Variants in PLXNC1 observed in about 807,000 individuals in gnomAD.
The protein encoded by PLXNC1 is plexin-C1.
A neutral mutation model predicts 178.2 loss-of-function variants in PLXNC1; 75 were observed. The observed-to-expected ratio is 0.42, with a 90% CI of 0.35 to 0.51. PLXNC1 has a LOEUF of 0.51. Among genes scored for constraint, PLXNC1 ranks in the 20% least tolerant of loss-of-function variants. PLXNC1 has a pLI of 0.02. For missense variants in PLXNC1, 1,503 were observed against 1,984.4 expected (o/e 0.76, Z 4.61); for synonymous variants, 790 against 779.9 (o/e 1.01, Z -0.22).
chr12:94,299,394 TGAA>T (rs1230190549), intron 27 of PLXNC1, among the ~76,000 whole-genome samples: 1 of 152,200 alleles, frequency 6.6e-6, no homozygotes, highest in African/African-American at 2.4e-5. Context: ...AGAGTTATGA[TGAA>T]GTAGAACTTC....
At chr12:94,201,923 C>T (rs1218510605) in intron 4 of PLXNC1, among the ~76,000 whole-genome samples, 3 of 151,856 alleles carry the variant, frequency 2.0e-5, no homozygotes, top group South Asian at 2.1e-4. Flanking sequence ...TGCACCACCT[C>T]GCCCAGCTAA....
chr12:94,240,081 A>T (rs1338620456), intron 10 of PLXNC1, among the ~76,000 whole-genome samples: 1 of 152,162 alleles, frequency 6.6e-6, no homozygotes, highest in Non-Finnish European at 1.5e-5. Context: ...ACCAAACACC[A>T]TATCCTTCAC....
chr12:94,150,055 C>T (rs986276124), intron 1 of PLXNC1, 22 bp downstream of exon 1: 3 of 1,532,298 alleles, frequency 2.0e-6, no homozygotes, highest in Admixed American at 2.1e-5. Flanking sequence ...CCCCGGGGCG[C>T]CGCGGAGAGC....
chr12:94,299,330 A>G (rs1465402915), intron 27 of PLXNC1, among the ~76,000 whole-genome samples: 1 of 152,174 alleles, frequency 6.6e-6, no homozygotes, highest in Non-Finnish European at 1.5e-5. Flanking sequence ...CAGTAAAGAA[A>G]TGTAGCTCAT....
At chr12:94,191,974 C>A (rs1445291975) in intron 4 of PLXNC1, among the ~76,000 whole-genome samples, 1 of 152,090 alleles carries the variant, frequency 6.6e-6, no homozygotes, top group Non-Finnish European at 1.5e-5. Context: ...TATTGCAAAG[C>A]ATAGCACATG....
Position 94,227,169 on chromosome 12 carries a change from C to T in PLXNC1, c.1914C>T (p.Val638=), listed in dbSNP as rs749082376. ...TCCAGGAACAGTGTCCAGTGGCTGT[C>T]GAGAAGACATCAGGAGGAGGAAGAC... ...ERNQEQCPVA[V]EKTSGGGRPK... The change falls in exon 9 of 31, where the codon GTC becomes GTT. Residue 638 remains valine, a synonymous_variant. Transcript: ENST00000258526. 18 of 1,611,990 alleles carry T rather than the reference C, an allele frequency of 1.1e-5. No homozygotes were observed. The East Asian group carries it at 1.6e-4, about 14-fold the overall frequency.
intron 4 of PLXNC1, among the ~76,000 whole-genome samples, chr12:94,201,837 C>T (rs1472106044): frequency 1.5e-5 from 2 of 134,662 alleles, no homozygotes; most frequent in Non-Finnish European, 3.1e-5. Flanking sequence ...GGCATGATCT[C>T]GACTCACTGC....
At position 94,273,323 on chromosome 12, in the gene PLXNC1, C is replaced by T. The variant is rs144851996; in HGVS notation, c.3598-6149C>T. ...CAGGCCTGGGCTACAAGTCCTCCAC[C>T]CATACTTCCACCCAAAGAAGGTGGG... On this transcript the variant is annotated intron_variant, in intron 21 of 30. Transcript: ENST00000258526. Among the ~76,000 whole-genome samples the T allele has an allele frequency of 1.9e-3, 294 of 152,250 alleles. 2 individuals carry two copies. Among genetic ancestry groups the T allele is most frequent in the African/African-American group, 6.7e-3 (279 of 41,538 alleles).
chr12:94,251,792 G>A (rs1019280012), intron 15 of PLXNC1, among the ~76,000 whole-genome samples: 6 of 152,210 alleles, frequency 3.9e-5, no homozygotes, highest in Admixed American at 3.3e-4. Flanking sequence ...AGGAGTTCAA[G>A]ACCAGCCTGG....
At chr12:94,179,469 GGT>G (rs1777796046) in intron 2 of PLXNC1, among the ~76,000 whole-genome samples, 1 of 152,146 alleles carries the variant, frequency 6.6e-6, no homozygotes, top group African/African-American at 2.4e-5. Context: ...GGCCAGGCAC[GGT>G]GGCTCACGCC....
At chr12:94,256,811 T>C (rs1275073260) in intron 17 of PLXNC1, among the ~76,000 whole-genome samples, 1 of 138,260 alleles carries the variant, frequency 7.2e-6, no homozygotes, top group Non-Finnish European at 1.5e-5. Context: ...GAGTAATGAA[T>C]GTAAAGGAAC....
Position 94,260,717 on chromosome 12 carries a change from G to C in PLXNC1, c.3327G>C (p.Leu1109=). The C allele has an allele frequency of 6.2e-7, 1 of 1,614,126 alleles. No homozygotes were observed. Among genetic ancestry groups the C allele is most frequent in the African/African-American group, 1.3e-5 (1 of 75,034 alleles). Residue 1109 remains leucine, a synonymous_variant, in exon 20 of 31, where the codon CTG becomes CTC. Coordinates refer to ENST00000258526, the MANE Select transcript of PLXNC1 (RefSeq NM_005761.3). The surrounding 1 kb of genome is among the most constrained non-coding windows in gnomAD (Gnocchi z 4.4). ...LVYLTSILEV[L]TRDLMEQCSN... ...ACCTGACCAGCATCCTAGAGGTGCTGACCAGGGACTTGATGGAACAGTGTA... is the reference window on the plus strand; with the variant it reads ...ACCTGACCAGCATCCTAGAGGTGCTCACCAGGGACTTGATGGAACAGTGTA...
chr12:94,303,443 T>A (rs527315453), intron 28 of PLXNC1, among the ~76,000 whole-genome samples: 1 of 152,210 alleles, frequency 6.6e-6, no homozygotes, highest in African/African-American at 2.4e-5. Context: ...ATGATTGAAA[T>A]AAGTTCCATT....
At chr12:94,213,114 A>G (rs1290411471) in intron 5 of PLXNC1, among the ~76,000 whole-genome samples, 1 of 152,148 alleles carries the variant, frequency 6.6e-6, no homozygotes, top group Non-Finnish European at 1.5e-5. Context: ...ATATACTTAC[A>G]TGTGCATGTG....
At chr12:94,296,727 T>C (rs1565871049) in intron 24 of PLXNC1, among the ~76,000 whole-genome samples, 1 of 152,264 alleles carries the variant, frequency 6.6e-6, no homozygotes, top group Admixed American at 6.5e-5. Context: ...ATTTGGTCTC[T>C]TGTTAATTCT....
rs1969005430 is a variant in PLXNC1 at position 94,306,254 on chromosome 12, T to TACATTTC, written c.*970_*971insCATTTCA. The TACATTTC allele has an allele frequency of 2.0e-5, 3 of 152,114 alleles. No homozygotes were observed. The highest frequency in any genetic ancestry group is 7.2e-5 in the African/African-American group (3 of 41,524). The allele number at this position is 152,114 out of a possible 1,614,324, so 9.4% of individuals were successfully genotyped here. A position where few individuals can be genotyped will look rare whatever the true frequency, so the allele number is the denominator to read the frequency against. On this transcript the variant is annotated 3_prime_UTR_variant, in exon 31 of 31. Transcript: ENST00000258526. Reference sequence around the variant, plus strand: ...AAAAAAAAAGATACATTTTACATTTTATCGAATTGCTGTTCACACTGGAGT... The same window carrying TACATTTC: ...AAAAAAAAAGATACATTTTACATTTTACATTTCATCGAATTGCTGTTCACACTGGAGT...
intron 23 of PLXNC1, among the ~76,000 whole-genome samples, chr12:94,286,919 T>C (rs191838794): frequency 9.2e-5 from 14 of 152,182 alleles, no homozygotes; most frequent in African/African-American, 3.4e-4. Context: ...ATGACAAAAA[T>C]ATAGCATCTC....
At chr12:94,227,510 G>C (rs1015166467) in intron 9 of PLXNC1, 2 of 284,020 alleles carry the variant, frequency 7.0e-6, no homozygotes, top group East Asian at 1.5e-4. Flanking sequence ...GCGGCTCACT[G>C]GTGAAGAGCT....
intron 9 of PLXNC1, among the ~76,000 whole-genome samples, chr12:94,228,184 G>A (rs1250365702): frequency 1.3e-5 from 2 of 152,316 alleles, no homozygotes; most frequent in South Asian, 2.1e-4. Context: ...TGAATCAAAT[G>A]GATATGAAGT....
Sources: allele counts gnomAD v4.1 joint callset (sites outside exome capture counted in the v4.1 genomes callset), GRCh38; gene constraint gnomAD v4.1.1; non-coding constraint Gnocchi (gnomAD v3.1); transcripts MANE v1.5; gene names NCBI Gene and HGNC (gene_info 2026-07-23, HGNC 2026-07-21).